Variants in PTPRG observed in about 807,000 individuals in gnomAD.
PTPRG encodes protein tyrosine phosphatase receptor type G, also known as receptor-type tyrosine-protein phosphatase gamma.
A neutral mutation model predicts 165.3 loss-of-function variants in PTPRG; 102 were observed. That is an observed-to-expected ratio of 0.62 (90% CI 0.53 to 0.73). PTPRG has a LOEUF of 0.73. Ranked by LOEUF, PTPRG falls within the 30% of genes least tolerant of loss-of-function variation. PTPRG has a pLI of 0.00. For missense variants in PTPRG, 1,866 were observed against 1,861.4 expected (o/e 1.00, Z -0.05); for synonymous variants, 675 against 669.5 (o/e 1.01, Z -0.13).
At chr3:61,647,943 G>C (rs555867425) in intron 1 of PTPRG, among the ~76,000 whole-genome samples, 5 of 152,124 alleles carry the variant, frequency 3.3e-5, no homozygotes, top group African/African-American at 9.7e-5. Context: ...TGTGAGGCCC[G>C]TTATGGCTTG....
chr3:61,940,430 A>G (rs372934105), intron 2 of PTPRG, among the ~76,000 whole-genome samples: 14 of 152,296 alleles, frequency 9.2e-5, no homozygotes, highest in South Asian at 6.2e-4. Context: ...CTTCAGAACA[A>G]TTAATCTCAT....
chr3:62,171,722 C>T (rs1363214932), intron 8 of PTPRG, among the ~76,000 whole-genome samples: 2 of 151,686 alleles, frequency 1.3e-5, no homozygotes, highest in East Asian at 1.9e-4. Context: ...TTAATAACAG[C>T]TTTATTGAGA....
chr3:61,824,376 C>G (rs1185244614), intron 2 of PTPRG, among the ~76,000 whole-genome samples: 2 of 152,124 alleles, frequency 1.3e-5, no homozygotes, highest in Non-Finnish European at 2.9e-5. Context: ...CTTCACAAAC[C>G]CCACACAGTC....
At chr3:61,638,895 C>T (rs1055120754) in intron 1 of PTPRG, among the ~76,000 whole-genome samples, 2 of 152,060 alleles carry the variant, frequency 1.3e-5, no homozygotes, top group African/African-American at 2.4e-5. Flanking sequence ...TTTTCTTTTG[C>T]TGTGCAGAGC....
chr3:62,114,748 A>C (rs1388718168), intron 5 of PTPRG, among the ~76,000 whole-genome samples: 1 of 152,154 alleles, frequency 6.6e-6, no homozygotes, highest in Non-Finnish European at 1.5e-5. Context: ...GAGCTGAGAC[A>C]ATCCTTCCAT....
At chr3:62,135,746 G>C (rs1324859569) in intron 6 of PTPRG, among the ~76,000 whole-genome samples, 2 of 152,152 alleles carry the variant, frequency 1.3e-5, no homozygotes, top group African/African-American at 2.4e-5. Flanking sequence ...GGTGGGGAGA[G>C]CGTTTGGGCC....
chr3:62,153,355 T>C (rs1201108247), intron 6 of PTPRG, among the ~76,000 whole-genome samples: 2 of 152,194 alleles, frequency 1.3e-5, no homozygotes, highest in Non-Finnish European at 2.9e-5. Context: ...AGAGTAAATA[T>C]TCTCATTATT....
intron 2 of PTPRG, among the ~76,000 whole-genome samples, chr3:61,819,258 A>G (rs2035885404): frequency 6.6e-6 from 1 of 152,220 alleles, no homozygotes; most frequent in African/African-American, 2.4e-5. Flanking sequence ...ATCAGGCAAT[A>G]TAACTTCCAT....
At chr3:61,957,307 A>C (rs1171370369) in intron 2 of PTPRG, among the ~76,000 whole-genome samples, 1 of 152,248 alleles carries the variant, frequency 6.6e-6, no homozygotes, top group African/African-American at 2.4e-5. Context: ...CAGTGAGACC[A>C]CAGTGAATAA....
intron 1 of PTPRG, among the ~76,000 whole-genome samples, chr3:61,655,705 A>T (rs1453831825): frequency 6.6e-6 from 1 of 152,104 alleles, no homozygotes; most frequent in African/African-American, 2.4e-5. Context: ...TCCTGGGCTC[A>T]AGTGATCCTC....
At chr3:62,117,541 G>A (rs1035660053) in intron 5 of PTPRG, among the ~76,000 whole-genome samples, 4 of 152,066 alleles carry the variant, frequency 2.6e-5, no homozygotes, top group African/African-American at 9.7e-5. Context: ...CATAAAACTT[G>A]TGCAGTTTTT....
chr3:62,109,887 GAGTTTCTTCATCACCT>G (rs1267706421), intron 5 of PTPRG, among the ~76,000 whole-genome samples: 1 of 152,112 alleles, frequency 6.6e-6, no homozygotes, highest in African/African-American at 2.4e-5. Flanking sequence ...TCACTCCACA[GAGTTTCTTCATCACCT>G]AGTGGGCCAT....
At chr3:61,872,822 A>G (rs931278688) in intron 2 of PTPRG, among the ~76,000 whole-genome samples, 2 of 152,172 alleles carry the variant, frequency 1.3e-5, no homozygotes, top group East Asian at 1.9e-4. Flanking sequence ...TGTCCAGTCC[A>G]TATATTCCCA....
intron 5 of PTPRG, among the ~76,000 whole-genome samples, chr3:62,122,552 C>G (rs880416): frequency 7.9e-5 from 12 of 152,198 alleles, no homozygotes; most frequent in African/African-American, 2.9e-4. Context: ...GCAGCACCCA[C>G]GCCACTGCAT....
chr3:62,138,077 C>T (rs1341607394), intron 6 of PTPRG, among the ~76,000 whole-genome samples: 1 of 152,196 alleles, frequency 6.6e-6, no homozygotes, highest in East Asian at 1.9e-4. Flanking sequence ...ACCACTGCTG[C>T]ACTGTATGTT....
At chr3:61,927,793 A>T (rs1575793524) in intron 2 of PTPRG, among the ~76,000 whole-genome samples, 1 of 152,180 alleles carries the variant, frequency 6.6e-6, no homozygotes, top group Non-Finnish European at 1.5e-5. Flanking sequence ...TATGAATAGG[A>T]TTATCTTCTT....
chr3:61,850,576 ATCT>A (rs1397634061), intron 2 of PTPRG, among the ~76,000 whole-genome samples: 5 of 152,156 alleles, frequency 3.3e-5, no homozygotes, highest in African/African-American at 1.2e-4. Flanking sequence ...GTTTATGTTA[ATCT>A]TCTTCAATTT....
At chr3:61,856,653 T>G (rs1437454236) in intron 2 of PTPRG, among the ~76,000 whole-genome samples, 1 of 152,234 alleles carries the variant, frequency 6.6e-6, no homozygotes, top group African/African-American at 2.4e-5. Context: ...GCAACTAGCT[T>G]TTTCTGAACA....
intron 5 of PTPRG, among the ~76,000 whole-genome samples, chr3:62,093,646 G>C (rs1021657006): frequency 2.0e-5 from 3 of 152,192 alleles, no homozygotes; most frequent in African/African-American, 7.2e-5. Context: ...AGGCCTGCCT[G>C]GCCTATCAAC....
Sources: gnomAD v4.1 joint callset for allele counts (sites outside exome capture counted in the v4.1 genomes callset) on GRCh38, gnomAD v4.1.1 for gene constraint, MANE v1.5 for transcripts, NCBI Gene and HGNC (gene_info 2026-07-23, HGNC 2026-07-21) for gene names.